COMMD10: variants seen among roughly 807,000 people sequenced by gnomAD.
The protein encoded by COMMD10 is COMM domain-containing protein 10.
Under a neutral mutation model 28.9 loss-of-function variants are expected in COMMD10, and 33 were observed. The ratio of observed to expected loss-of-function variants is 1.14; its 90% confidence interval spans 0.87 to 1.53. COMMD10 has a LOEUF of 1.53. COMMD10 is among the 40% of genes most tolerant of loss of function. The pLI is 0.00. For synonymous variants in COMMD10, 110 were observed against 81.7 expected (o/e 1.35, Z -1.87); for missense variants, 310 against 233.4 (o/e 1.33, Z -2.14).
intron 4 of COMMD10, among the ~76,000 whole-genome samples, chr5:116,131,081 T>C (rs1265037501): frequency 1.3e-5 from 2 of 151,830 alleles, no homozygotes; most frequent in East Asian, 3.9e-4. Context: ...AACACTTAAT[T>C]GGAGAAATTG....
intron 5 of COMMD10, among the ~76,000 whole-genome samples, chr5:116,156,878 C>G (rs1752733057): frequency 6.6e-6 from 1 of 152,070 alleles, no homozygotes; most frequent in East Asian, 1.9e-4. Flanking sequence ...TCCTTGCCCC[C>G]TTTATTTTTT....
At chr5:116,267,828 G>A (rs968944062) in intron 5 of COMMD10, among the ~76,000 whole-genome samples, 1 of 151,992 alleles carries the variant, frequency 6.6e-6, no homozygotes, top group African/African-American at 2.4e-5. Flanking sequence ...TGACAAACCT[G>A]AGAAAAACAA....
chr5:116,283,493 C>A (rs774369144), intron 5 of COMMD10, among the ~76,000 whole-genome samples: 2 of 151,504 alleles, frequency 1.3e-5, no homozygotes, highest in Non-Finnish European at 2.9e-5. Flanking sequence ...ATTACAGGCA[C>A]CCACCACCAC....
chr5:116,171,398 A>G (rs1025951617), intron 5 of COMMD10, among the ~76,000 whole-genome samples: 1 of 152,206 alleles, frequency 6.6e-6, no homozygotes, highest in African/African-American at 2.4e-5. Flanking sequence ...AATTAGTTCA[A>G]CCATTGTGGA....
chr5:116,129,780 GTA>G lies in COMMD10; in HGVS notation c.400-4279_400-4278del, dbSNP rs67652205. On this transcript the variant is annotated intron_variant, in intron 4 of 6. Coordinates refer to ENST00000274458, the MANE Select transcript of COMMD10 (RefSeq NM_016144.4). Reference sequence around the variant, plus strand: ...ACTATATACTATATAATATACATTAGTATATATATACTATATACTATATAATA... The same window carrying G: ...ACTATATACTATATAATATACATTAGTATATATACTATATACTATATAATA... Among the ~76,000 whole-genome samples the G allele has an allele frequency of 9.0e-4, 42 of 46,624 alleles. 7 individuals carry two copies. Among genetic ancestry groups the G allele is most frequent in the South Asian group, 2.1e-3 (2 of 970 alleles). The allele number at this position is 46,624 out of a possible 152,430, so 30.6% of individuals were successfully genotyped here. A position where few individuals can be genotyped will look rare whatever the true frequency, so the allele number is the denominator to read the frequency against.
chr5:116,149,495 C>A (rs1752446478), intron 5 of COMMD10, among the ~76,000 whole-genome samples: 1 of 146,490 alleles, frequency 6.8e-6, no homozygotes, highest in South Asian at 2.2e-4. Context: ...GTTCCTATTT[C>A]TCCACATGCT....
At chr5:116,151,466 T>C (rs1752525403) in intron 5 of COMMD10, among the ~76,000 whole-genome samples, 1 of 152,312 alleles carries the variant, frequency 6.6e-6, no homozygotes, top group South Asian at 2.1e-4. Flanking sequence ...CTGGTAGAAT[T>C]CGGCTGTGAA....
At chr5:116,212,522 G>GTGTGTGTGTGTGTGTGTGTGTGTGTGTA (rs71223098) in intron 5 of COMMD10, among the ~76,000 whole-genome samples, 7,347 of 131,582 alleles carry the variant, frequency 0.056, 697 homozygotes, top group East Asian at 0.1. Flanking sequence ...GTGTGTGTGT[G>GTGTGTGTGTGTGTGTGTGTGTGTGTGTA]TAGAATGTGA....
Position 116,275,783 on chromosome 5 carries a change from G to A in COMMD10, c.511-15734G>A, listed in dbSNP as rs1421207275. ...GTCATACTTCACAAAGTTGTATGTA[G>A]AACATCAGATCCTAAATCATAAGGC... On this transcript the variant is annotated intron_variant, in intron 5 of 6. Coordinates refer to ENST00000274458, the MANE Select transcript of COMMD10 (RefSeq NM_016144.4). Among the ~76,000 whole-genome samples the A allele has an allele frequency of 1.3e-5, 2 of 151,628 alleles. 1 individual carries two copies. The highest frequency in any genetic ancestry group is 4.9e-5 in the African/African-American group (2 of 41,090).
At chr5:116,136,087 A>C (rs549480956) in intron 5 of COMMD10, among the ~76,000 whole-genome samples, 13 of 152,290 alleles carry the variant, frequency 8.5e-5, no homozygotes, top group Non-Finnish European at 1.5e-4. Context: ...AAAATAAAGA[A>C]ATCAATCCAT....
intron 4 of COMMD10, among the ~76,000 whole-genome samples, chr5:116,108,926 C>G (rs952783552): frequency 3.9e-5 from 6 of 152,058 alleles, no homozygotes; most frequent in African/African-American, 1.2e-4. Context: ...CAGTCTCTTA[C>G]GGCTTCCCTT....
chr5:116,179,106 A>T (rs1747854598), intron 5 of COMMD10, among the ~76,000 whole-genome samples: 1 of 152,126 alleles, frequency 6.6e-6, no homozygotes, highest in Admixed American at 6.6e-5. Context: ...GTTATCAAAC[A>T]CTGTGTCATG....
At position 116,157,976 on chromosome 5, in the gene COMMD10, C is replaced by G. The variant is rs576985988; in HGVS notation, c.510+23798C>G. Among the ~76,000 whole-genome samples the G allele has an allele frequency of 2.0e-5, 3 of 148,438 alleles. No homozygotes were observed. The South Asian group carries it at 6.4e-4, about 32-fold the overall frequency. On this transcript the variant is annotated intron_variant, in intron 5 of 6. Transcript: ENST00000274458. The stretch of plus-strand genomic sequence containing the variant: ...TTTTAGTCAACCATTTGAATATCTA[C>G]TTTTGTGAAAGGGAAGGGGAGGTGT...
At chr5:116,132,844 T>G (rs1441532155) in intron 4 of COMMD10, among the ~76,000 whole-genome samples, 1 of 152,176 alleles carries the variant, frequency 6.6e-6, no homozygotes, top group Non-Finnish European at 1.5e-5. Flanking sequence ...AAATTGATTT[T>G]TTATTAGTTA....
intron 4 of COMMD10, among the ~76,000 whole-genome samples, chr5:116,103,576 A>G (rs1005265040): frequency 2.0e-5 from 3 of 151,868 alleles, no homozygotes; most frequent in African/African-American, 2.4e-5. Flanking sequence ...TGTCAGATGG[A>G]TAGATTGCAA....
intron 4 of COMMD10, among the ~76,000 whole-genome samples, chr5:116,127,664 A>G (rs1004205405): frequency 1.3e-5 from 2 of 152,198 alleles, no homozygotes; most frequent in Non-Finnish European, 2.9e-5. Flanking sequence ...TTCTGAGCAA[A>G]TTATCGCAAG....
chr5:116,196,113 T>C (rs929680930), intron 5 of COMMD10, among the ~76,000 whole-genome samples: 11 of 152,218 alleles, frequency 7.2e-5, no homozygotes, highest in African/African-American at 2.4e-4. Context: ...GAAGTCATTA[T>C]TTGAAAAAGA....
chr5:116,125,069 G>T (rs1210023949), intron 4 of COMMD10, among the ~76,000 whole-genome samples: 1 of 152,084 alleles, frequency 6.6e-6, no homozygotes, highest in African/African-American at 2.4e-5. Context: ...CGTTAATATT[G>T]TTATGTGTGA....
chr5:116,191,985 T>C (rs960749072), intron 5 of COMMD10, among the ~76,000 whole-genome samples: 1 of 150,280 alleles, frequency 6.7e-6, no homozygotes, highest in African/African-American at 2.4e-5. Flanking sequence ...CATCACAGGA[T>C]GTGATATTGT....
Sources: allele counts gnomAD v4.1 joint callset (sites outside exome capture counted in the v4.1 genomes callset), GRCh38; gene constraint gnomAD v4.1.1; transcripts MANE v1.5; gene names NCBI Gene and HGNC (gene_info 2026-07-23, HGNC 2026-07-21).